Variants in LNX1 observed in about 807,000 individuals in gnomAD.
LNX1 encodes the protein E3 ubiquitin-protein ligase LNX.
Under a neutral mutation model 68.4 loss-of-function variants are expected in LNX1, and 54 were observed. The observed-to-expected ratio is 0.79, with a 90% CI of 0.63 to 0.99. LNX1 has a LOEUF of 0.99. Among genes scored for constraint, LNX1 ranks in the 50% least tolerant of loss-of-function variants. The pLI is 0.00. For missense variants in LNX1, 906 were observed against 926.4 expected (o/e 0.98, Z 0.29); for synonymous variants, 336 against 350.0 (o/e 0.96, Z 0.45).
intron 2 of LNX1, among the ~76,000 whole-genome samples, chr4:53,599,059 A>G (rs1182525707): frequency 1.3e-5 from 2 of 152,226 alleles, no homozygotes; most frequent in Non-Finnish European, 2.9e-5. Flanking sequence ...TAAGGCTCCA[A>G]GTTATTATAA....
chr4:53,489,400 T>C (rs1053469653), intron 6 of LNX1, among the ~76,000 whole-genome samples: 2 of 152,202 alleles, frequency 1.3e-5, no homozygotes, highest in Admixed American at 6.5e-5. Context: ...TGGTGACTTA[T>C]ATGGGGTCAT....
At chr4:53,571,581 G>C (rs1216050560) in intron 2 of LNX1, among the ~76,000 whole-genome samples, 1 of 152,168 alleles carries the variant, frequency 6.6e-6, no homozygotes, top group African/African-American at 2.4e-5. Context: ...AAGCCAACAG[G>C]AATGCTACCC....
At chr4:53,593,075 A>G (rs1268883045), upstream of LNX1, 4 of 152,274 alleles carry the variant, frequency 2.6e-5, no homozygotes, top group African/African-American at 7.2e-5. Context: ...AAACTAAGGT[A>G]GGTGTGGCTA....
At chr4:53,618,821 C>T (rs73149389), upstream of LNX1, among the ~76,000 whole-genome samples, 2,669 of 152,116 alleles carry the variant, frequency 0.018, 68 homozygotes, top group African/African-American at 0.061. Flanking sequence ...AACATGTATT[C>T]ACATATTTAT....
At chr4:53,526,611 C>T (rs1451689069) in intron 2 of LNX1, among the ~76,000 whole-genome samples, 1 of 151,618 alleles carries the variant, frequency 6.6e-6, no homozygotes, top group Non-Finnish European at 1.5e-5. Flanking sequence ...TATCTCAATG[C>T]CTTTCCATGT....
chr4:53,650,356 G>A (rs1306925174), intron 1 of LNX1, among the ~76,000 whole-genome samples: 2 of 152,198 alleles, frequency 1.3e-5, no homozygotes, highest in East Asian at 3.8e-4. Context: ...GCCTAAGCAG[G>A]GTGCGGAGGG....
chr4:53,476,835 G>C lies in LNX1; in HGVS notation c.1810C>G (p.Pro604Ala). 6.2e-7 allele frequency: 1 copy of C among 1,614,166 alleles called. No homozygotes were observed. The highest frequency in any genetic ancestry group is 1.3e-5 in the African/African-American group (1 of 75,028). The change falls in exon 9 of 11, where the codon CCA (proline) becomes GCA (alanine). Residue 604 changes from proline to alanine, a missense_variant. Transcript: ENST00000263925. ...EYEPQEDCSSPAALDSNHNMA... is the reference protein window; with the variant it reads ...EYEPQEDCSSAAALDSNHNMA... ...TTGTGGTTGGAGTCCAGGGCTGCTG[G>C]GCTGCTGCAGTCTTCCTGGGGCTCA...
At chr4:53,497,620 A>G (rs1725159525) in intron 5 of LNX1, among the ~76,000 whole-genome samples, 1 of 152,262 alleles carries the variant, frequency 6.6e-6, no homozygotes, top group African/African-American at 2.4e-5. Context: ...TTTTGTTTGT[A>G]AGCTCCAGTT....
rs115612878 is a variant in LNX1 at position 53,639,669 on chromosome 4, G to A, written c.-215+12499C>T. Among the ~76,000 whole-genome samples the A allele has an allele frequency of 2.7e-3, 411 of 152,160 alleles. 1 individual carries two copies. The highest frequency in any genetic ancestry group is 6.8e-3 in the Middle Eastern group (2 of 294). On this transcript the variant is annotated intron_variant, in intron 1 of 2. Transcript: ENST00000507168. ...TATCAAAAGGGCTGTTTCTTCTGTC[G>A]CCCACTTACCAGCTGTTCATATCTC...
intron 10 of LNX1, 56 bp downstream of exon 10, chr4:53,461,379 T>C: frequency 7.2e-7 from 1 of 1,395,398 alleles, no homozygotes; most frequent in Non-Finnish European, 1.0e-6. Context: ...GGCCAAGCTT[T>C]GGCATTTATG....
At chr4:53,493,804 A>C (rs899606864) in intron 6 of LNX1, among the ~76,000 whole-genome samples, 3 of 152,194 alleles carry the variant, frequency 2.0e-5, no homozygotes, top group African/African-American at 7.2e-5. Context: ...GATAATTGAG[A>C]ATGCTTCTTA....
intron 2 of LNX1, among the ~76,000 whole-genome samples, chr4:53,524,042 A>T (rs1268234425): frequency 7.9e-5 from 12 of 152,354 alleles, no homozygotes; most frequent in African/African-American, 2.9e-4. Flanking sequence ...TACATTTTAG[A>T]TAAGGGTCTT....
intron 6 of LNX1, among the ~76,000 whole-genome samples, chr4:53,489,243 T>C (rs1371457697): frequency 6.6e-6 from 1 of 152,058 alleles, no homozygotes; most frequent in African/African-American, 2.4e-5. Context: ...ACATAGTAAA[T>C]AGGATCTTAA....
Position 53,574,039 on chromosome 4 carries a change from A to G in LNX1, c.-37T>C, listed in dbSNP as rs1478252526. On this transcript the variant is annotated 5_prime_UTR_variant, in exon 2 of 11. Transcript: ENST00000263925. ...GAGCAGTATAACAGGAAACTCAGTC[A>G]CACAATATTTCCTCAGGAGCAAGTC... 6.4e-7 allele frequency: 1 copy of G among 1,570,194 alleles called. No individual in the cohort carries two copies.
chr4:53,484,273 A>T (rs186832854), intron 6 of LNX1, among the ~76,000 whole-genome samples: 426 of 152,152 alleles, frequency 2.8e-3, no homozygotes, highest in Non-Finnish European at 4.5e-3. Flanking sequence ...CAACTCACTC[A>T]CTCTCAGGAA....
Position 53,459,379 on chromosome 4 carries a change from A to G in LNX1, c.*1528T>C. On this transcript the variant is annotated 3_prime_UTR_variant, in exon 11 of 11. Coordinates refer to ENST00000263925, the MANE Select transcript of LNX1 (RefSeq NM_001126328.3). ...AAACACAAAAAATCTAAAAGAAGCA[A>G]AGAAGGAAAAGAAGCGGGCAGTGAG... The G allele has an allele frequency of 3.1e-6, 5 of 1,613,282 alleles. No individual in the cohort carries two copies. Among genetic ancestry groups the G allele is most frequent in the Non-Finnish European group, 4.2e-6 (5 of 1,179,658 alleles).
chr4:53,650,463 C>T (rs55707202), intron 1 of LNX1, among the ~76,000 whole-genome samples: 17,371 of 151,982 alleles, frequency 0.11, 1,159 homozygotes, highest in Non-Finnish European at 0.16. Context: ...TAATGGGAGC[C>T]GGCTTCTGAT....
At chr4:53,562,762 G>A (rs1286350615) in intron 2 of LNX1, among the ~76,000 whole-genome samples, 2 of 152,060 alleles carry the variant, frequency 1.3e-5, no homozygotes, top group Non-Finnish European at 2.9e-5. Context: ...AAATTACTAA[G>A]TGAGTACATT....
At position 53,591,453 on chromosome 4, in the gene LNX1, T is replaced by C; in HGVS notation, c.-152A>G. 1 of 985,718 alleles carries C rather than the reference T, an allele frequency of 1.0e-6. No individual in the cohort carries two copies. Among genetic ancestry groups the C allele is most frequent in the Non-Finnish European group, 1.2e-6 (1 of 830,280 alleles). 61.1% of individuals were successfully genotyped at this position (985,718 alleles called of 1,614,324 possible). On this transcript the variant is annotated 5_prime_UTR_variant, in exon 1 of 11. Coordinates refer to ENST00000263925, the MANE Select transcript of LNX1 (RefSeq NM_001126328.3). Reference sequence around the variant, plus strand: ...GCAGGCAGCTCTCATTCCTTGTGGGTGAACCGAGCAGCTCCTTGGGCCGCC... The same window carrying C: ...GCAGGCAGCTCTCATTCCTTGTGGGCGAACCGAGCAGCTCCTTGGGCCGCC...
Sources: gnomAD v4.1 joint callset for allele counts (sites outside exome capture counted in the v4.1 genomes callset) on GRCh38, gnomAD v4.1.1 for gene constraint, MANE v1.5 for transcripts, NCBI Gene and HGNC (gene_info 2026-07-23, HGNC 2026-07-21) for gene names.